LYPD6B: variants seen among roughly 807,000 people sequenced by gnomAD.
The protein encoded by LYPD6B is LY6/PLAUR domain containing 6B, also known as ly6/PLAUR domain-containing protein 6B.
Under a neutral mutation model 22.8 loss-of-function variants are expected in LYPD6B, and 17 were observed. The observed-to-expected ratio is 0.75, with a 90% CI of 0.51 to 1.12. LYPD6B has a LOEUF of 1.12. Ranked by LOEUF, LYPD6B falls within the 50% of genes most tolerant of loss-of-function variation. The pLI, the probability that LYPD6B is intolerant of heterozygous loss-of-function variation, is 0.00. For synonymous variants in LYPD6B, 106 were observed against 91.6 expected (o/e 1.16, Z -0.90); for missense variants, 221 against 258.3 (o/e 0.86, Z 0.99).
intron 3 of LYPD6B, among the ~76,000 whole-genome samples, chr2:149,173,781 A>G (rs1691040284): frequency 6.6e-6 from 1 of 151,664 alleles, no homozygotes; most frequent in Admixed American, 6.6e-5. Context: ...GTTTGCTTAC[A>G]AACCAGCTAC....
chr2:149,119,982 G>T (rs1687204710), intron 1 of LYPD6B, among the ~76,000 whole-genome samples: 1 of 152,020 alleles, frequency 6.6e-6, no homozygotes, highest in African/African-American at 2.4e-5. Context: ...GTACATTATT[G>T]TGAGTGGGTC....
At chr2:149,189,343 T>TTGTCCA (rs1692332811) in intron 3 of LYPD6B, among the ~76,000 whole-genome samples, 1 of 10,100 alleles carries the variant, frequency 9.9e-5, no homozygotes, top group African/African-American at 2.4e-4. Context: ...TGTCCAAAAT[T>TTGTCCA]ATATATATAT....
intron 3 of LYPD6B, among the ~76,000 whole-genome samples, chr2:149,183,833 A>ATATGTG (rs1167426085): frequency 6.7e-6 from 1 of 148,716 alleles, no homozygotes; most frequent in Non-Finnish European, 1.5e-5. Context: ...ACATATACAT[A>ATATGTG]TATGTGTATG....
chr2:149,069,490 C>T (rs1402648146), intron 1 of LYPD6B, among the ~76,000 whole-genome samples: 1 of 152,096 alleles, frequency 6.6e-6, no homozygotes, highest in Non-Finnish European at 1.5e-5. Flanking sequence ...GATAGCAGAT[C>T]TTAAGGTACC....
Position 149,099,428 on chromosome 2 carries a change from T to TGGTCCCCTC in LYPD6B, c.-66-31454_-66-31453insGTCCCCTCG, listed in dbSNP as rs1558996576. ...ACAAGTTCCTTGGGCCTAGGATCCT[T>TGGTCCCCTC]GTACCTAGGATCCTTGGTCCCCTCG... is the stretch of plus-strand genomic sequence containing the variant. On this transcript the variant is annotated intron_variant, in intron 1 of 6. Coordinates refer to ENST00000409642, the MANE Select transcript of LYPD6B (RefSeq NM_177964.5). Among the ~76,000 whole-genome samples the TGGTCCCCTC allele has an allele frequency of 5.7e-5, 8 of 140,472 alleles. No individual in the cohort carries two copies. The East Asian group carries it at 1.3e-3, about 23-fold the overall frequency. 92.2% of individuals were successfully genotyped at this position (140,472 alleles called of 152,430 possible). A position where few individuals can be genotyped will look rare whatever the true frequency, so the allele number is the denominator to read the frequency against.
intron 1 of LYPD6B, among the ~76,000 whole-genome samples, chr2:149,104,896 TTTAA>T (rs1447984753): frequency 9.2e-5 from 14 of 152,180 alleles, no homozygotes; most frequent in Non-Finnish European, 1.5e-4. Flanking sequence ...TTAGTTGGAA[TTTAA>T]TTAAGAAAGT....
intron 1 of LYPD6B, among the ~76,000 whole-genome samples, chr2:149,109,693 C>T (rs1215265824): frequency 1.3e-5 from 2 of 151,862 alleles, no homozygotes; most frequent in Admixed American, 1.3e-4. Context: ...CACTTATGTT[C>T]CCTTTATTTA....
intron 3 of LYPD6B, among the ~76,000 whole-genome samples, chr2:149,192,486 G>A (rs1692562540): frequency 6.7e-6 from 1 of 148,990 alleles, no homozygotes; most frequent in African/African-American, 2.5e-5. Context: ...AAAGCCCAGA[G>A]AATGATCAGA....
intron 1 of LYPD6B, among the ~76,000 whole-genome samples, chr2:149,087,374 A>G (rs1399890898): frequency 6.6e-6 from 1 of 152,158 alleles, no homozygotes; most frequent in African/African-American, 2.4e-5. Context: ...ATTTTTACGT[A>G]TGTAAAGGAA....
intron 1 of LYPD6B, among the ~76,000 whole-genome samples, chr2:149,108,566 A>T (rs1686608552): frequency 6.6e-6 from 1 of 152,044 alleles, no homozygotes; most frequent in Non-Finnish European, 1.5e-5. Context: ...CCTTCATTCT[A>T]TTTTTAACCT....
At chr2:149,082,958 G>T (rs1481965842) in intron 1 of LYPD6B, among the ~76,000 whole-genome samples, 1 of 152,180 alleles carries the variant, frequency 6.6e-6, no homozygotes. Context: ...TGACTCCCTG[G>T]CTGCACCTGG....
At chr2:149,071,793 G>A (rs1684616121) in intron 1 of LYPD6B, among the ~76,000 whole-genome samples, 1 of 152,130 alleles carries the variant, frequency 6.6e-6, no homozygotes, top group Non-Finnish European at 1.5e-5. Flanking sequence ...GAGCCACGAA[G>A]GAAAACTTCA....
chr2:149,117,120 T>C (rs910392246), intron 1 of LYPD6B, among the ~76,000 whole-genome samples: 2 of 152,114 alleles, frequency 1.3e-5, no homozygotes, highest in Admixed American at 1.3e-4. Context: ...TTATGGAGAG[T>C]AGTAACCCTC....
intron 3 of LYPD6B, among the ~76,000 whole-genome samples, chr2:149,163,174 C>T (rs1331219458): frequency 6.6e-6 from 1 of 152,152 alleles, no homozygotes; most frequent in African/African-American, 2.4e-5. Flanking sequence ...TAATTCCACA[C>T]AGTCAGGAGT....
At chr2:149,127,104 T>A (rs1575019660) in intron 1 of LYPD6B, among the ~76,000 whole-genome samples, 1 of 151,694 alleles carries the variant, frequency 6.6e-6, no homozygotes, top group South Asian at 2.1e-4. Flanking sequence ...TTAAAGTCTC[T>A]TTTTGTTTGT....
chr2:149,132,449 T>G (rs1441121432), intron 2 of LYPD6B, among the ~76,000 whole-genome samples: 1 of 152,052 alleles, frequency 6.6e-6, no homozygotes, highest in Non-Finnish European at 1.5e-5. Flanking sequence ...GGAAAGGGGT[T>G]AGATGCAGCT....
At chr2:149,169,555 AC>A (rs916500642) in intron 3 of LYPD6B, among the ~76,000 whole-genome samples, 1 of 152,192 alleles carries the variant, frequency 6.6e-6, no homozygotes, top group African/African-American at 2.4e-5. Flanking sequence ...TCCTAAAATA[AC>A]CAAGGGAGTG....
At chr2:149,059,507 G>A (rs1163293568) in intron 1 of LYPD6B, among the ~76,000 whole-genome samples, 1 of 152,196 alleles carries the variant, frequency 6.6e-6, no homozygotes, top group African/African-American at 2.4e-5. Context: ...GGAGACCCAG[G>A]GGTGTTGAGC....
At chr2:149,193,836 T>A (rs573245174) in intron 3 of LYPD6B, among the ~76,000 whole-genome samples, 1 of 152,208 alleles carries the variant, frequency 6.6e-6, no homozygotes, top group African/African-American at 2.4e-5. Context: ...GAATTTATTA[T>A]ATTCAAATAA....
Sources: gnomAD v4.1 joint callset for allele counts (sites outside exome capture counted in the v4.1 genomes callset) on GRCh38, gnomAD v4.1.1 for gene constraint, MANE v1.5 for transcripts, NCBI Gene and HGNC (gene_info 2026-07-23, HGNC 2026-07-21) for gene names.